DDR1: variants seen among roughly 807,000 people sequenced by gnomAD.
DDR1 encodes discoidin domain receptor tyrosine kinase 1.
A neutral mutation model predicts 97.4 loss-of-function variants in DDR1; 64 were observed. The observed-to-expected ratio is 0.66, with a 90% CI of 0.54 to 0.81. DDR1 has a LOEUF of 0.81. Ranked by LOEUF, DDR1 falls within the 30% of genes least tolerant of loss-of-function variation. The probability of loss-of-function intolerance (pLI) is 0.00; values close to 1 mark genes in which losing one functional copy is unlikely to be tolerated. For synonymous variants in DDR1, 458 were observed against 503.7 expected (o/e 0.91, Z 1.21); for missense variants, 990 against 1,259.6 (o/e 0.79, Z 3.24).
chr6:30,893,359 T>C lies in DDR1; in HGVS notation c.1283T>C (p.Leu428Pro). The change falls in exon 10 of 18, where the codon CTG becomes CCG. Residue 428 changes from leucine (L) to proline (P), a missense_variant. Leu to Pro is a moderately conservative substitution (Grantham distance 98). Transcript: ENST00000376568. ...ILIGCLVAII[L>P]LLLLIIALML... ...ATCGGCTGCCTGGTGGCCATCATCCTGCTCCTGCTGCTCATCATTGCCCTC... is the reference window on the plus strand; with the variant it reads ...ATCGGCTGCCTGGTGGCCATCATCCCGCTCCTGCTGCTCATCATTGCCCTC... 1 of 1,608,134 alleles carries C rather than the reference T, an allele frequency of 6.2e-7. No individual in the cohort carries two copies.
Position 30,884,824 on chromosome 6 carries a change from C to G in DDR1, c.-43+114C>G. The G allele has an allele frequency of 4.8e-6, 1 of 207,816 alleles. No individual in the cohort carries two copies. Among genetic ancestry groups the G allele is most frequent in the Non-Finnish European group, 9.6e-6 (1 of 103,648 alleles). 12.9% of individuals were successfully genotyped at this position (207,816 alleles called of 1,614,324 possible). On this transcript the variant is annotated intron_variant, in intron 1 of 17. Transcript: ENST00000376568. This position sits in a 1 kb window ranked among gnomAD's most constrained non-coding sequence, Gnocchi z 6.1. ...GGGAGGCAGGACGTCCCGAGCCATG[C>G]TTGGTCGTCCAGCTCTTCTAAGCCT... is the stretch of plus-strand genomic sequence containing the variant.
intron 15 of DDR1, 35 bp from the exon 16 acceptor site, chr6:30,898,038 T>C: frequency 6.5e-7 from 1 of 1,538,648 alleles, no homozygotes; most frequent in Non-Finnish European, 9.0e-7. Flanking sequence ...TCTGCGAAGC[T>C]GCCCCCAGTG....
chr6:30,897,434 A>G lies in DDR1; in HGVS notation c.2053A>G (p.Ile685Val), dbSNP rs1362569420. ...GTCGAGGCTCAAGGACCCAAACATC[A>G]TTCGGCTGCTGGGCGTGTGTGTGCA... ...IMSRLKDPNI[I>V]RLLGVCVQDD... Residue 685 changes from isoleucine (I) to valine (V), a missense_variant, in exon 15 of 18, where the codon ATT (isoleucine) becomes GTT (valine). Transcript: ENST00000376568. The surrounding 1 kb of genome is among the most constrained non-coding windows in gnomAD (Gnocchi z 5.2). 1 of 1,614,178 alleles carries G rather than the reference A, an allele frequency of 6.2e-7. No individual in the cohort carries two copies. Among genetic ancestry groups the G allele is most frequent in the South Asian group, 1.1e-5 (1 of 91,086 alleles).
chr6:30,892,753 G>C (rs1019150244), intron 8 of DDR1: 1 of 635,892 alleles, frequency 1.6e-6, no homozygotes, highest in Non-Finnish European at 2.6e-6. Flanking sequence ...CCCCTTGCCC[G>C]TGACTATTAT....
rs1474859534 is a variant in DDR1 at position 30,890,787 on chromosome 6, G to T, written c.418-186G>T. 1.8e-6 allele frequency: 1 copy of T among 563,338 alleles called. No individual in the cohort carries two copies. The highest frequency in any genetic ancestry group is 1.9e-5 in the African/African-American group (1 of 51,936). 34.9% of individuals were successfully genotyped at this position (563,338 alleles called of 1,614,324 possible). A position where few individuals can be genotyped will look rare whatever the true frequency, so the allele number is the denominator to read the frequency against. ...GAACATCAGAGCTGCGACAGAGCCA[G>T]AGGTCTCAGCTGCAGATCTTCATTT... On this transcript the variant is annotated intron_variant, in intron 4 of 17. Transcript: ENST00000376568. The surrounding 1 kb of genome is among the most constrained non-coding windows in gnomAD (Gnocchi z 5.0).
At chr6:30,885,289 T>G in intron 1 of DDR1, 1 of 1,523,198 alleles carries the variant, frequency 6.6e-7, no homozygotes, top group Non-Finnish European at 8.8e-7. Flanking sequence ...TGAACATTTC[T>G]TCCCAGCGCT....
chr6:30,884,835 A>G lies in DDR1; in HGVS notation c.-43+125A>G. On this transcript the variant is annotated intron_variant, in intron 1 of 17. Transcript: ENST00000376568. This position sits in a 1 kb window ranked among gnomAD's most constrained non-coding sequence, Gnocchi z 6.1. ...CGTCCCGAGCCATGCTTGGTCGTCC[A>G]GCTCTTCTAAGCCTCCCTGCCCGCC... 4.6e-6 allele frequency: 1 copy of G among 218,466 alleles called. No individual in the cohort carries two copies. Among genetic ancestry groups the G allele is most frequent in the Non-Finnish European group, 9.1e-6 (1 of 109,942 alleles). The allele number at this position is 218,466 out of a possible 1,614,324, so 13.5% of individuals were successfully genotyped here.
At position 30,893,347 on chromosome 6, in the gene DDR1, T is replaced by C; in HGVS notation, c.1271T>C (p.Val424Ala). 1.2e-6 allele frequency: 2 copies of C among 1,608,072 alleles called. No homozygotes were observed. The highest frequency in any genetic ancestry group is 1.7e-6 in the Non-Finnish European group (2 of 1,179,788). Reference protein sequence around the residue: ...SPTAILIGCLVAIILLLLLII... With the variant: ...SPTAILIGCLAAIILLLLLII... ...ACCGCCATCCTCATCGGCTGCCTGG[T>C]GGCCATCATCCTGCTCCTGCTGCTC... The change falls in exon 10 of 18, where the codon GTG becomes GCG. Residue 424 changes from valine to alanine, a missense_variant. By Grantham distance (64) the Val-to-Ala change is moderately conservative. Transcript: ENST00000376568.
At position 30,892,382 on chromosome 6, in the gene DDR1, G is replaced by A. The variant is rs996498204; in HGVS notation, c.939G>A (p.Trp313Ter). The change falls in exon 8 of 18, where the codon TGG becomes TGA. Residue 313 changes from tryptophan (W) to a stop codon, truncating the protein, a stop_gained. Coordinates refer to ENST00000376568, the MANE Select transcript of DDR1 (RefSeq NM_001297654.2). LOFTEE classifies it high-confidence loss of function. ...CRFRRGPAMA[W>*]EGEPMRHNLG... is the part of the protein sequence containing the mutation. ...TCCGGCGTGGCCCTGCCATGGCCTG[G>A]GAGGGGGAGCCCATGCGCCACAACC... 2.5e-6 allele frequency: 4 copies of A among 1,592,832 alleles called. No individual in the cohort carries two copies. Among genetic ancestry groups the A allele is most frequent in the Non-Finnish European group, 3.4e-6 (4 of 1,172,008 alleles).
rs145788270 is a variant in DDR1 at position 30,894,560 on chromosome 6, G to C, written c.1402G>C (p.Asp468His). Residue 468 changes from aspartate to histidine, a missense_variant, in exon 11 of 18, where the codon GAC (aspartate) becomes CAC (histidine). Physicochemically the swap from Asp to His is moderately conservative, Grantham distance 81 (BLOSUM62 -1). Transcript: ENST00000376568. The surrounding 1 kb of genome is among the most constrained non-coding windows in gnomAD (Gnocchi z 5.7). Reference sequence around the variant, plus strand: ...GACGGTTCACCTCTCTGTCCCTGGGGACACTATCCTCATCAACAACCGCCC... The same window carrying C: ...GACGGTTCACCTCTCTGTCCCTGGGCACACTATCCTCATCAACAACCGCCC... Reference protein sequence around the residue: ...ELTVHLSVPGDTILINNRPGP... With the variant: ...ELTVHLSVPGHTILINNRPGP... 1.1e-5 allele frequency: 18 copies of C among 1,613,186 alleles called. No individual in the cohort carries two copies. The Admixed American group carries it at 3.0e-4, about 27-fold the overall frequency.
intron 7 of DDR1, 50 bp downstream of exon 7, chr6:30,892,238 G>A (rs533615948): frequency 3.7e-5 from 59 of 1,605,896 alleles, no homozygotes; most frequent in Non-Finnish European, 4.3e-5. Context: ...GCAGGGTGCC[G>A]TTGGGGTGCC....
rs781517445 is a variant in DDR1, at chr6:30,892,366, G to C, written c.923G>C (p.Gly308Ala). ...GGGGTGGAATGTCGCTTCCGGCGTG[G>C]CCCTGCCATGGCCTGGGAGGGGGAG... ...PGGVECRFRRGPAMAWEGEPM... is the reference protein window; with the variant it reads ...PGGVECRFRRAPAMAWEGEPM... The change falls in exon 8 of 18, where the codon GGC (glycine) becomes GCC (alanine). Residue 308 changes from glycine to alanine, a missense_variant. Physicochemically the swap from Gly to Ala is moderately conservative, Grantham distance 60. Transcript: ENST00000376568. The C allele has an allele frequency of 1.3e-6, 2 of 1,586,182 alleles. No individual in the cohort carries two copies. The highest frequency in any genetic ancestry group is 1.7e-6 in the Non-Finnish European group (2 of 1,167,530).
rs777826215 is a variant in DDR1, at chr6:30,890,997, G to A, written c.442G>A (p.Glu148Lys). The A allele has an allele frequency of 2.5e-6, 4 of 1,611,258 alleles. No individual in the cohort carries two copies. Among genetic ancestry groups the A allele is most frequent in the African/African-American group, 2.7e-5 (2 of 74,908 alleles). ...GGTGATCTCAGGCAATGAGGACCCTGAGGGAGTGGTGCTGAAGGACCTTGG... is the reference window on the plus strand; with the variant it reads ...GGTGATCTCAGGCAATGAGGACCCTAAGGGAGTGGTGCTGAAGGACCTTGG... ...QEVISGNEDP[E>K]GVVLKDLGPP... Residue 148 changes from glutamate (E) to lysine (K), a missense_variant, in exon 5 of 18, where the codon GAG becomes AAG. Glu to Lys is a moderately conservative substitution (Grantham distance 56, BLOSUM62 1). Transcript: ENST00000376568. This position sits in a 1 kb window ranked among gnomAD's most constrained non-coding sequence, Gnocchi z 5.0.
chr6:30,891,024 C>G lies in DDR1; in HGVS notation c.469C>G (p.Pro157Ala). Reference protein sequence around the residue: ...PEGVVLKDLGPPMVARLVRFY... With the variant: ...PEGVVLKDLGAPMVARLVRFY... ...GGGAGTGGTGCTGAAGGACCTTGGG[C>G]CCCCCATGGTTGCCCGACTGGTTCG... Residue 157 changes from proline to alanine, a missense_variant, in exon 5 of 18, where the codon CCC (proline) becomes GCC (alanine). Physicochemically the swap from Pro to Ala is conservative, Grantham distance 27. Transcript: ENST00000376568. This position sits in a 1 kb window ranked among gnomAD's most constrained non-coding sequence, Gnocchi z 5.3. 6.2e-7 allele frequency: 1 copy of G among 1,612,604 alleles called. No individual in the cohort carries two copies. The highest frequency in any genetic ancestry group is 2.2e-5 in the East Asian group (1 of 44,874).
At position 30,891,208 on chromosome 6, in the gene DDR1, C is replaced by G; in HGVS notation, c.565+88C>G. ...GGAGAATGGGCATCCAGGATCCCTT[C>G]TCCTGCTGGGAAGCTGTCACTCTGA... On this transcript the variant is annotated intron_variant, in intron 5 of 17. Coordinates refer to ENST00000376568, the MANE Select transcript of DDR1 (RefSeq NM_001297654.2). This position sits in a 1 kb window ranked among gnomAD's most constrained non-coding sequence, Gnocchi z 5.3. The G allele has an allele frequency of 6.4e-7, 1 of 1,563,368 alleles. No individual in the cohort carries two copies. The highest frequency in any genetic ancestry group is 8.7e-7 in the Non-Finnish European group (1 of 1,149,500).
In DDR1 at chr6:30,893,436, G is replaced by A. The variant is rs368281926; in HGVS notation, c.1347+13G>A. ...GCTCCTCAGCAAGGTGGGCACAGCC[G>A]TGGCATGTGGAGTGGCGGGGGGAGG... On this transcript the variant is annotated intron_variant, in intron 10 of 17. Coordinates refer to ENST00000376568, the MANE Select transcript of DDR1 (RefSeq NM_001297654.2). 1.2e-4 allele frequency: 191 copies of A among 1,598,328 alleles called. 1 individual carries two copies. The South Asian group carries it at 1.8e-3, about 15-fold the overall frequency.
At chr6:30,898,412 A>G (rs1791729919) in intron 16 of DDR1, 105 bp downstream of exon 16, 1 of 832,930 alleles carries the variant, frequency 1.2e-6, no homozygotes, top group Non-Finnish European at 1.9e-6. Context: ...TCTGGGTTGC[A>G]TTTTACAGAA....
Position 30,899,516 on chromosome 6 carries a change from C to A in DDR1, c.*220C>A. Reference sequence around the variant, plus strand: ...CATGTCCCCTTCCTGTTCTTCCTTCCTAGAAGCCCCTGTCGCCCACCCAGC... The same window carrying A: ...CATGTCCCCTTCCTGTTCTTCCTTCATAGAAGCCCCTGTCGCCCACCCAGC... On this transcript the variant is annotated 3_prime_UTR_variant, in exon 18 of 18. Coordinates refer to ENST00000376568, the MANE Select transcript of DDR1 (RefSeq NM_001297654.2). 1.7e-6 allele frequency: 1 copy of A among 597,510 alleles called. No homozygotes were observed. Among genetic ancestry groups the A allele is most frequent in the Non-Finnish European group, 2.9e-6 (1 of 349,676 alleles). The allele number at this position is 597,510 out of a possible 1,614,324, so 37.0% of individuals were successfully genotyped here. A position where few individuals can be genotyped will look rare whatever the true frequency, so the allele number is the denominator to read the frequency against.
rs754549769 is a variant in DDR1, at chr6:30,896,761, C to T, written c.1765C>T (p.Pro589Ser). The T allele has an allele frequency of 4.4e-6, 7 of 1,587,350 alleles. No individual in the cohort carries two copies. Among genetic ancestry groups the T allele is most frequent in the South Asian group, 2.3e-5 (2 of 87,250 alleles). Residue 589 changes from proline to serine, a missense_variant, in exon 13 of 18, where the codon CCT becomes TCT. Pro to Ser is a moderately conservative substitution (Grantham distance 74, BLOSUM62 -1). Coordinates refer to ENST00000376568, the MANE Select transcript of DDR1 (RefSeq NM_001297654.2). ...CACCGGGGGCAACACCTATGCTGTG[C>T]CTGCACTGCCCCCAGGGGCAGTCGG... ...GVTGGNTYAV[P>S]ALPPGAVGDG...
Sources: gnomAD v4.1 joint callset for allele counts on GRCh38, gnomAD v4.1.1 for gene constraint, Gnocchi (gnomAD v3.1) non-coding constraint, MANE v1.5 for transcripts, NCBI Gene and HGNC (gene_info 2026-07-23, HGNC 2026-07-21) for gene names.